Variants in ITSN1 observed in about 807,000 individuals in gnomAD.
ITSN1 encodes intersectin 1.
A neutral mutation model predicts 239.8 loss-of-function variants in ITSN1; 58 were observed. That is an observed-to-expected ratio of 0.24 (90% CI 0.20 to 0.30). The LOEUF is 0.30. ITSN1 is among the 10% of genes least tolerant of loss of function. ITSN1 has a pLI of 1.00. For missense variants in ITSN1, 1,558 were observed against 2,103.3 expected, an observed-to-expected ratio of 0.74 and a Z score of 5.07; for synonymous variants, 780 against 770.8, an observed-to-expected ratio of 1.01 and a Z score of -0.20.
intron 7 of ITSN1, among the ~76,000 whole-genome samples, chr21:33,753,204 AT>A (rs912958966): frequency 2.7e-5 from 4 of 149,754 alleles, no homozygotes; most frequent in African/African-American, 7.3e-5. Flanking sequence ...AAAAAACTTA[AT>A]TGTAGGATAC....
intron 36 of ITSN1, among the ~76,000 whole-genome samples, chr21:33,884,815 A>G (rs1158494503): frequency 6.6e-6 from 1 of 152,214 alleles, no homozygotes; most frequent in Non-Finnish European, 1.5e-5. Flanking sequence ...CGGGGACATC[A>G]TCGCAGGTCT....
chr21:33,783,521 G>A (rs2070377017), intron 16 of ITSN1, among the ~76,000 whole-genome samples: 1 of 151,924 alleles, frequency 6.6e-6, no homozygotes, highest in Admixed American at 6.5e-5. Flanking sequence ...CACTATATAT[G>A]TTCTATATTC....
intron 14 of ITSN1, among the ~76,000 whole-genome samples, chr21:33,779,919 C>T (rs1250873191): frequency 6.6e-6 from 1 of 152,078 alleles, no homozygotes; most frequent in Non-Finnish European, 1.5e-5. Flanking sequence ...GCAACCTCTG[C>T]TTCCCGAGTT....
chr21:33,737,191 G>A (rs954057509), intron 5 of ITSN1, among the ~76,000 whole-genome samples: 1 of 152,130 alleles, frequency 6.6e-6, no homozygotes, highest in Non-Finnish European at 1.5e-5. Flanking sequence ...TTTCAGTTGT[G>A]GAGCTATTGC....
chr21:33,761,512 C>T (rs558160485), intron 8 of ITSN1, among the ~76,000 whole-genome samples: 1 of 152,020 alleles, frequency 6.6e-6, no homozygotes, highest in East Asian at 1.9e-4. Flanking sequence ...CTGAATTTGC[C>T]TGAGGTTGAG....
At chr21:33,727,729 C>T (rs2065913382) in intron 4 of ITSN1, among the ~76,000 whole-genome samples, 1 of 152,052 alleles carries the variant, frequency 6.6e-6, no homozygotes, top group East Asian at 1.9e-4. Flanking sequence ...ATCTTAGTTA[C>T]CTGGCTGCCC....
In ITSN1 at chr21:33,836,690, C is replaced by A. The variant is rs544010942; in HGVS notation, c.3661+58C>A. On this transcript the variant is annotated intron_variant, in intron 29 of 39. Coordinates refer to ENST00000381318, the MANE Select transcript of ITSN1 (RefSeq NM_003024.3). Reference sequence around the variant, plus strand: ...CTCTGGTATCTTCCCGTAAAACATGCAGCATTGCTCTGATTCTGCTGAGCT... The same window carrying A: ...CTCTGGTATCTTCCCGTAAAACATGAAGCATTGCTCTGATTCTGCTGAGCT... The A allele has an allele frequency of 3.2e-5, 42 of 1,330,370 alleles. No individual in the cohort carries two copies. In the South Asian group the frequency reaches 4.5e-4, roughly 14 times the overall value. 82.4% of individuals were successfully genotyped at this position (1,330,370 alleles called of 1,614,324 possible).
chr21:33,869,869 A>C (rs912652805), intron 33 of ITSN1, among the ~76,000 whole-genome samples: 2 of 152,072 alleles, frequency 1.3e-5, no homozygotes, highest in Admixed American at 1.3e-4. Flanking sequence ...ACATATGCCA[A>C]TGTATATACA....
intron 20 of ITSN1, among the ~76,000 whole-genome samples, chr21:33,807,069 G>A (rs548682076): frequency 6.6e-6 from 1 of 152,286 alleles, no homozygotes; most frequent in South Asian, 2.1e-4. Flanking sequence ...TATTAAAATT[G>A]ATGTATACTT....
At chr21:33,791,642 A>G (rs1369664537) in intron 16 of ITSN1, among the ~76,000 whole-genome samples, 4 of 152,198 alleles carry the variant, frequency 2.6e-5, no homozygotes, top group Non-Finnish European at 4.4e-5. Flanking sequence ...TCAATGATCT[A>G]TAAATCCATA....
At chr21:33,885,364 A>G (rs1985612604) in intron 37 of ITSN1, 75 bp from the exon 38 acceptor site, 1 of 1,338,748 alleles carries the variant, frequency 7.5e-7, no homozygotes, top group African/African-American at 1.4e-5. Context: ...CATGAAATGC[A>G]TTGTGAGGCT....
At chr21:33,674,356 C>A (rs2834245) in intron 1 of ITSN1, among the ~76,000 whole-genome samples, 1 of 152,122 alleles carries the variant, frequency 6.6e-6, no homozygotes, top group Non-Finnish European at 1.5e-5. Flanking sequence ...AGGCCCACAG[C>A]GTATAGGCTG....
intron 1 of ITSN1, among the ~76,000 whole-genome samples, chr21:33,714,297 A>G (rs2092505714): frequency 6.6e-6 from 1 of 152,214 alleles, no homozygotes; most frequent in Non-Finnish European, 1.5e-5. Context: ...GGGGAGGGAA[A>G]GAGAGAGAAC....
At chr21:33,659,038 G>T (rs1178057884) in intron 1 of ITSN1, among the ~76,000 whole-genome samples, 1 of 152,164 alleles carries the variant, frequency 6.6e-6, no homozygotes, top group Non-Finnish European at 1.5e-5. Context: ...AGGATTGGAG[G>T]GTTGGAACTT....
At chr21:33,712,185 G>A (rs966136099) in intron 1 of ITSN1, among the ~76,000 whole-genome samples, 3 of 151,510 alleles carry the variant, frequency 2.0e-5, no homozygotes, top group Non-Finnish European at 4.4e-5. Context: ...TCTGTTGATT[G>A]CAATTTTTTT....
At chr21:33,709,398 G>A (rs1259473853) in intron 1 of ITSN1, among the ~76,000 whole-genome samples, 6 of 151,998 alleles carry the variant, frequency 3.9e-5, no homozygotes, top group East Asian at 1.9e-4. Flanking sequence ...TGGGCCTCCC[G>A]GGTTCAAGCG....
At chr21:33,763,366 A>T (rs1269888832) in intron 9 of ITSN1, among the ~76,000 whole-genome samples, 1 of 151,654 alleles carries the variant, frequency 6.6e-6, no homozygotes, top group Non-Finnish European at 1.5e-5. Context: ...CTGTAAATTG[A>T]TAATTAGATC....
At position 33,765,902 on chromosome 21, in the gene ITSN1, A is replaced by G. The variant is rs201087456; in HGVS notation, c.816A>G (p.Gly272=). 230 of 1,614,032 alleles carry G rather than the reference A, an allele frequency of 1.4e-4. No homozygotes were observed. Among genetic ancestry groups the G allele is most frequent in the Non-Finnish European group, 1.9e-4 (220 of 1,180,006 alleles). ...IWNLSDIDQD[G]KLTAEEFILA... Reference sequence around the variant, plus strand: ...ATCTTTCTGACATTGATCAAGATGGAAAACTTACAGCAGAGGAATTTATCC... The same window carrying G: ...ATCTTTCTGACATTGATCAAGATGGGAAACTTACAGCAGAGGAATTTATCC... Residue 272 remains glycine (G), a synonymous_variant, in exon 10 of 40, where the codon GGA becomes GGG. Coordinates refer to ENST00000381318, the MANE Select transcript of ITSN1 (RefSeq NM_003024.3).
At chr21:33,774,502 G>A (rs1045770023) in intron 12 of ITSN1, 8 of 367,096 alleles carry the variant, frequency 2.2e-5, no homozygotes, top group Non-Finnish European at 3.4e-5. Flanking sequence ...GTCATCTTAC[G>A]TAAATATAGT....
Sources: gnomAD v4.1 joint callset for allele counts (sites outside exome capture counted in the v4.1 genomes callset) on GRCh38, gnomAD v4.1.1 for gene constraint, MANE v1.5 for transcripts, NCBI Gene and HGNC (gene_info 2026-07-23, HGNC 2026-07-21) for gene names.